Variants in CACNA2D3 observed in about 807,000 individuals in gnomAD.
The protein encoded by CACNA2D3 is calcium voltage-gated channel auxiliary subunit alpha2delta 3.
In CACNA2D3, 60 loss-of-function variants were observed where a neutral mutation model predicts 160.6. The observed-to-expected ratio is 0.37, with a 90% CI of 0.30 to 0.46. The LOEUF (loss-of-function observed/expected upper bound fraction) is 0.46. CACNA2D3 is among the 20% of genes least tolerant of loss of function. CACNA2D3 has a pLI of 1.00. For synonymous variants in CACNA2D3, 558 were observed against 492.9 expected, an observed-to-expected ratio of 1.13 and a Z score of -1.75; for missense variants, 1,205 against 1,365.0, an observed-to-expected ratio of 0.88 and a Z score of 1.85.
At chr3:54,811,016 G>A (rs1212175134) in intron 13 of CACNA2D3, among the ~76,000 whole-genome samples, 2 of 152,102 alleles carry the variant, frequency 1.3e-5, no homozygotes, top group African/African-American at 4.8e-5. Context: ...TCTCCCTGGT[G>A]GGATGTCCCC....
rs58956795 is a variant in CACNA2D3 at position 54,183,892 on chromosome 3, G to GAAAAAAAA, written c.204+60319_204+60326dup. ...AAAAGCGAAACTCCGTCTCAAAAAA[G>GAAAAAAAA]AAAAAAAAAAAAAAAAAAAAAAAAA... On this transcript the variant is annotated intron_variant, in intron 2 of 37. Transcript: ENST00000474759. Among the ~76,000 whole-genome samples, 63 of 80,800 alleles carry GAAAAAAAA rather than the reference G, an allele frequency of 7.8e-4. 4 individuals carry two copies. The highest frequency in any genetic ancestry group is 9.7e-4 in the Admixed American group (5 of 5,132). 53.0% of individuals were successfully genotyped at this position (80,800 alleles called of 152,430 possible).
In CACNA2D3 at chr3:54,634,467, T is replaced by C. The variant is rs558184199; in HGVS notation, c.1053+6591T>C. On this transcript the variant is annotated intron_variant, in intron 10 of 37. Transcript: ENST00000474759. ...ACGTAGTTTACTTATTTACCTTGTT[T>C]TTGTATGTCTTCCCTTTCATGCGCG... is the stretch of plus-strand genomic sequence containing the variant. 2.0e-5 allele frequency: 3 copies of C among 152,354 alleles called. No homozygotes were observed. The South Asian group carries it at 6.2e-4, about 32-fold the overall frequency. 9.4% of individuals were successfully genotyped at this position (152,354 alleles called of 1,614,324 possible). A position where few individuals can be genotyped will look rare whatever the true frequency, so the allele number is the denominator to read the frequency against.
At chr3:54,134,918 T>G (rs902337493) in intron 2 of CACNA2D3, among the ~76,000 whole-genome samples, 2 of 152,198 alleles carry the variant, frequency 1.3e-5, no homozygotes, top group Admixed American at 6.5e-5. Context: ...GCAGGGCGGG[T>G]GCACGAGGAG....
intron 31 of CACNA2D3, among the ~76,000 whole-genome samples, chr3:54,993,933 G>A (rs1702799440): frequency 2.0e-5 from 3 of 148,282 alleles, no homozygotes; most frequent in African/African-American, 5.0e-5. Context: ...TTGTGTGTGT[G>A]TGTGGTTTTG....
At chr3:54,838,740 C>G in intron 16 of CACNA2D3, 92 bp downstream of exon 16, 1 of 961,590 alleles carries the variant, frequency 1.0e-6, no homozygotes, top group Non-Finnish European at 1.7e-6. Context: ...TACTTTGGAG[C>G]GATGTTTTTG....
chr3:54,298,145 C>T (rs916942048), intron 2 of CACNA2D3, among the ~76,000 whole-genome samples: 1 of 152,192 alleles, frequency 6.6e-6, no homozygotes, highest in African/African-American at 2.4e-5. Context: ...TTCTTACAGG[C>T]AGTGGCCCTT....
At chr3:54,600,574 G>A (rs1052727898) in intron 9 of CACNA2D3, among the ~76,000 whole-genome samples, 2 of 152,144 alleles carry the variant, frequency 1.3e-5, no homozygotes, top group African/African-American at 2.4e-5. Context: ...CAGGGGTCAG[G>A]AGCTGAGTTA....
Position 54,465,018 on chromosome 3 carries a change from G to A in CACNA2D3, c.382-38474G>A, listed in dbSNP as rs532377141. On this transcript the variant is annotated intron_variant, in intron 4 of 37. Transcript: ENST00000474759. ...TTATGGTATCCCATAAGTCCTGTAGGCTTTCTTCTTTCTTTAATTTCTTTT... is the reference window on the plus strand; with the variant it reads ...TTATGGTATCCCATAAGTCCTGTAGACTTTCTTCTTTCTTTAATTTCTTTT... Among the ~76,000 whole-genome samples, 18 of 151,892 alleles carry A rather than the reference G, an allele frequency of 1.2e-4. No individual in the cohort carries two copies. In the East Asian group the frequency reaches 3.5e-3, roughly 29 times the overall value.
At chr3:54,668,802 C>T (rs776634577) in intron 11 of CACNA2D3, among the ~76,000 whole-genome samples, 3 of 151,642 alleles carry the variant, frequency 2.0e-5, no homozygotes, top group Non-Finnish European at 4.4e-5. Flanking sequence ...CCTGGAAGGC[C>T]GTACAGTGTC....
intron 35 of CACNA2D3, among the ~76,000 whole-genome samples, chr3:55,033,868 A>G (rs192075824): frequency 0.035 from 3,950 of 111,802 alleles, 615 homozygotes; most frequent in African/African-American, 0.11. Flanking sequence ...TATTTAATAT[A>G]TAATATATAT....
At chr3:54,969,965 TAAAA>T in intron 29 of CACNA2D3, 121 bp downstream of exon 29, 1 of 483,858 alleles carries the variant, frequency 2.1e-6, no homozygotes, top group Non-Finnish European at 3.5e-6. Context: ...TGGGCCAATC[TAAAA>T]AAAAAAAAAT....
intron 13 of CACNA2D3, among the ~76,000 whole-genome samples, chr3:54,806,700 C>G (rs911246210): frequency 3.3e-5 from 5 of 152,096 alleles, no homozygotes; most frequent in Non-Finnish European, 7.3e-5. Context: ...TTGGAAAAAA[C>G]TACTTTAAAG....
intron 35 of CACNA2D3, among the ~76,000 whole-genome samples, chr3:55,051,558 G>A (rs1462910171): frequency 2.0e-5 from 3 of 151,742 alleles, no homozygotes; most frequent in Non-Finnish European, 4.4e-5. Flanking sequence ...CTGTCTTTTT[G>A]TTTGTCTGTG....
chr3:54,469,608 A>G (rs1700692440), intron 4 of CACNA2D3, among the ~76,000 whole-genome samples: 1 of 152,116 alleles, frequency 6.6e-6, no homozygotes, highest in African/African-American at 2.4e-5. Flanking sequence ...TAGGCTTCAG[A>G]AGGTGGGTAA....
chr3:54,979,156 C>T (rs1702453668), intron 29 of CACNA2D3, among the ~76,000 whole-genome samples: 1 of 152,094 alleles, frequency 6.6e-6, no homozygotes, highest in African/African-American at 2.4e-5. Context: ...TCTTGAGGTC[C>T]CAAAATAACT....
intron 27 of CACNA2D3, among the ~76,000 whole-genome samples, chr3:54,931,226 AT>A (rs1375140076): frequency 3.3e-5 from 5 of 152,310 alleles, no homozygotes; most frequent in Non-Finnish European, 2.9e-5. Flanking sequence ...CCCAGAGCTA[AT>A]GGGTTCCTGG....
Position 54,209,958 on chromosome 3 carries a change from G to A in CACNA2D3, c.204+86364G>A, listed in dbSNP as rs2107361020. Among the ~76,000 whole-genome samples the A allele has an allele frequency of 1.3e-5, 2 of 152,268 alleles. 1 individual carries two copies. Among genetic ancestry groups the A allele is most frequent in the South Asian group, 4.1e-4 (2 of 4,826 alleles). On this transcript the variant is annotated intron_variant, in intron 2 of 37. Transcript: ENST00000474759. ...TATGGGGATGTTTGAGAATGGATTT[G>A]GGGTAGATTTTACACATATTTATAG... is the stretch of plus-strand genomic sequence containing the variant.
At chr3:54,469,422 C>G (rs941018774) in intron 4 of CACNA2D3, among the ~76,000 whole-genome samples, 1 of 152,136 alleles carries the variant, frequency 6.6e-6, no homozygotes, top group African/African-American at 2.4e-5. Flanking sequence ...ATCCGAATGT[C>G]TGTCACCAGC....
At chr3:54,363,636 T>C (rs1004550154) in intron 3 of CACNA2D3, among the ~76,000 whole-genome samples, 1 of 152,250 alleles carries the variant, frequency 6.6e-6, no homozygotes, top group African/African-American at 2.4e-5. Context: ...CCTGTGTCAT[T>C]GTTTATTGAG....
Sources: gnomAD v4.1 joint callset for allele counts (sites outside exome capture counted in the v4.1 genomes callset) on GRCh38, gnomAD v4.1.1 for gene constraint, MANE v1.5 for transcripts, NCBI Gene and HGNC (gene_info 2026-07-23, HGNC 2026-07-21) for gene names.